UNC79: variants seen among roughly 807,000 people sequenced by gnomAD.
UNC79 encodes the protein protein unc-79 homolog.
Under a neutral mutation model 283.1 loss-of-function variants are expected in UNC79, and 37 were observed. The ratio of observed to expected loss-of-function variants is 0.13; its 90% CI spans 0.10 to 0.17. The LOEUF is 0.17. UNC79 is among the 10% of genes least tolerant of loss of function. The pLI is 1.00. For missense variants in UNC79, 2,272 were observed against 3,211.1 expected, an observed-to-expected ratio of 0.71 and a Z score of 7.07; for synonymous variants, 1,107 against 1,200.2, an observed-to-expected ratio of 0.92 and a Z score of 1.61.
chr14:93,468,086 G>A (rs992068175), intron 2 of UNC79, among the ~76,000 whole-genome samples: 16 of 152,016 alleles, frequency 1.1e-4, no homozygotes, highest in Non-Finnish European at 2.4e-4. Context: ...GGGATTAAAA[G>A]GATAGCCTAC....
intron 14 of UNC79, among the ~76,000 whole-genome samples, chr14:93,555,517 C>T (rs111639478): frequency 2.6e-5 from 4 of 152,100 alleles, no homozygotes; most frequent in East Asian, 1.9e-4. Context: ...GATTATCCTG[C>T]CTCAGCCTCC....
intron 14 of UNC79, among the ~76,000 whole-genome samples, chr14:93,553,845 C>T (rs1398494190): frequency 6.6e-6 from 1 of 152,152 alleles, no homozygotes; most frequent in Non-Finnish European, 1.5e-5. Context: ...GGACCTACTA[C>T]ACAAAATGGT....
chr14:93,651,462 G>A (rs1434715713), intron 35 of UNC79, among the ~76,000 whole-genome samples: 1 of 151,970 alleles, frequency 6.6e-6, no homozygotes, highest in East Asian at 1.9e-4. Flanking sequence ...ATGTTTTTTA[G>A]TTTTCAGTGT....
At chr14:93,450,467 A>C (rs1173195343) in intron 1 of UNC79, among the ~76,000 whole-genome samples, 1 of 152,144 alleles carries the variant, frequency 6.6e-6, no homozygotes, top group Admixed American at 6.5e-5. Context: ...TGCCTGATAC[A>C]CAACTGGGTG....
intron 1 of UNC79, among the ~76,000 whole-genome samples, chr14:93,395,752 C>T (rs1412979516): frequency 1.3e-5 from 2 of 152,106 alleles, no homozygotes; most frequent in African/African-American, 4.8e-5. Context: ...TCTACAATTT[C>T]TGATGAGAAA....
At chr14:93,656,904 A>G (rs2071003901) in intron 38 of UNC79, among the ~76,000 whole-genome samples, 1 of 152,218 alleles carries the variant, frequency 6.6e-6, no homozygotes, top group South Asian at 2.1e-4. Context: ...GGATCAGGTT[A>G]CCTATTAGTA....
chr14:93,347,289 C>T, intron 1 of UNC79: 1 of 1,605,290 alleles, frequency 6.2e-7, no homozygotes, highest in Non-Finnish European at 8.5e-7. Flanking sequence ...TGCGTGGGCG[C>T]TGTCCTGCCC....
chr14:93,455,646 G>C (rs2056775095), intron 1 of UNC79, among the ~76,000 whole-genome samples: 1 of 152,104 alleles, frequency 6.6e-6, no homozygotes, highest in South Asian at 2.1e-4. Flanking sequence ...ACCTGTAATA[G>C]CTAATTACAG....
At chr14:93,697,426 A>C (rs1026704910) in intron 47 of UNC79, among the ~76,000 whole-genome samples, 1 of 152,226 alleles carries the variant, frequency 6.6e-6, no homozygotes, top group South Asian at 2.1e-4. Context: ...GTGAGCCACT[A>C]TGCCCGGCCA....
chr14:93,578,143 G>A, intron 18 of UNC79, 80 bp downstream of exon 18: 1 of 1,318,330 alleles, frequency 7.6e-7, no homozygotes, highest in Non-Finnish European at 1.1e-6. Context: ...TCCATGTGTT[G>A]GGCATCTCCA....
Position 93,486,609 on chromosome 14 carries a change from G to C in UNC79, c.620-1054G>C, listed in dbSNP as rs528446984. Among the ~76,000 whole-genome samples, 4 of 142,964 alleles carry C rather than the reference G, an allele frequency of 2.8e-5. No homozygotes were observed. The East Asian group carries it at 6.1e-4, about 22-fold the overall frequency. The allele number at this position is 142,964 out of a possible 152,430, so 93.8% of individuals were successfully genotyped here. A position where few individuals can be genotyped will look rare whatever the true frequency, so the allele number is the denominator to read the frequency against. ...TTGGAGGTTGCAGTGAGCTGAGATT[G>C]TGCCACTGCACTCCAGCCTGGGCAA... On this transcript the variant is annotated intron_variant, in intron 4 of 48. Transcript: ENST00000555664.
chr14:93,497,651 T>C (rs2140619953), intron 7 of UNC79, among the ~76,000 whole-genome samples: 1 of 152,252 alleles, frequency 6.6e-6, no homozygotes, highest in East Asian at 1.9e-4. Context: ...ATAAGAAGAC[T>C]TGCAGCACTT....
In UNC79 at chr14:93,404,513, T is replaced by TATATATATATAA. The variant is rs1229909876; in HGVS notation, c.-350-63157_-350-63156insTATATATATAAA. Among the ~76,000 whole-genome samples the TATATATATATAA allele has an allele frequency of 1.1e-3, 125 of 113,256 alleles. 5 individuals carry two copies. Among genetic ancestry groups the TATATATATATAA allele is most frequent in the African/African-American group, 3.7e-3 (110 of 29,730 alleles). 74.3% of individuals were successfully genotyped at this position (113,256 alleles called of 152,430 possible). ...AAAAAAATATATATATATATATATA[T>TATATATATATAA]AAATATATACATATTATATATTATT... is the stretch of plus-strand genomic sequence containing the variant. On this transcript the variant is annotated intron_variant, in intron 1 of 49. Transcript: ENST00000256339.
intron 1 of UNC79, among the ~76,000 whole-genome samples, chr14:93,395,590 G>A (rs927925732): frequency 1.3e-5 from 2 of 152,166 alleles, no homozygotes; most frequent in Admixed American, 1.3e-4. Flanking sequence ...CCAACATTAA[G>A]GATTGCAGTT....
At chr14:93,610,375 C>T (rs1566768972) in intron 26 of UNC79, among the ~76,000 whole-genome samples, 1 of 152,144 alleles carries the variant, frequency 6.6e-6, no homozygotes. Context: ...GGTGGCTGAG[C>T]AGGACTGAGT....
chr14:93,702,639 C>A (rs112311209), intron 47 of UNC79, among the ~76,000 whole-genome samples: 1 of 152,216 alleles, frequency 6.6e-6, no homozygotes, highest in Non-Finnish European at 1.5e-5. Context: ...ACTCTGAGGT[C>A]ATTCACATAC....
chr14:93,685,405 A>G (rs2074160022), intron 42 of UNC79, among the ~76,000 whole-genome samples: 1 of 152,224 alleles, frequency 6.6e-6, no homozygotes. Flanking sequence ...CAGGAACACA[A>G]TAACCTTTTA....
chr14:93,705,108 A>G (rs951080413), intron 48 of UNC79, among the ~76,000 whole-genome samples: 25 of 151,992 alleles, frequency 1.6e-4, no homozygotes, highest in African/African-American at 5.6e-4. Flanking sequence ...GGTGGCATGC[A>G]CCTGTGGTTC....
At chr14:93,412,245 A>C (rs1026804561) in intron 1 of UNC79, among the ~76,000 whole-genome samples, 1 of 152,164 alleles carries the variant, frequency 6.6e-6, no homozygotes, top group African/African-American at 2.4e-5. Flanking sequence ...GGAGGAGATA[A>C]AAGAAAAAAA....
Sources: allele counts gnomAD v4.1 joint callset (sites outside exome capture counted in the v4.1 genomes callset), GRCh38; gene constraint gnomAD v4.1.1; transcripts MANE v1.5; gene names NCBI Gene and HGNC (gene_info 2026-07-23, HGNC 2026-07-21).